The following VEPH1 variants were observed in gnomAD, a reference collection of about 807,000 sequenced individuals.
The protein encoded by VEPH1 is ventricular zone expressed PH domain containing 1, also known as ventricular zone-expressed PH domain-containing protein homolog 1.
VEPH1 carries 80 observed loss-of-function variants against 85.2 expected under a neutral mutation model. The ratio of observed to expected loss-of-function variants is 0.94; its 90% CI spans 0.78 to 1.13. VEPH1 has a LOEUF of 1.13. Among genes scored for constraint, VEPH1 ranks in the 50% most tolerant of loss-of-function variants. The pLI, the probability that VEPH1 is intolerant of heterozygous loss-of-function variation, is 0.00. For synonymous variants in VEPH1, 297 were observed against 348.0 expected (o/e 0.85, Z 1.63); for missense variants, 955 against 980.5 (o/e 0.97, Z 0.35).
At chr3:157,468,589 A>G (rs749383029) in intron 3 of VEPH1, among the ~76,000 whole-genome samples, 2 of 151,986 alleles carry the variant, frequency 1.3e-5, no homozygotes, top group African/African-American at 2.4e-5. Context: ...TAATAATAAT[A>G]ATAATGATAA....
At position 157,261,214 on chromosome 3, in the gene VEPH1, C is replaced by T. The variant is rs1470315614; in HGVS notation, c.2422G>A (p.Glu808Lys). Residue 808 changes from glutamate (E) to lysine (K), a missense_variant, in exon 14 of 14, where the codon GAA (glutamate) becomes AAA (lysine). Transcript: ENST00000362010. Reference protein sequence around the residue: ...VFKAKDEKNAEEWLQCINVAV... With the variant: ...VFKAKDEKNAKEWLQCINVAV... ...ACGTTGATGCACTGGAGCCATTCTT[C>T]TGCATTCTTCTCATCCTTGGCCTTA... 3 of 1,613,708 alleles carry T rather than the reference C, an allele frequency of 1.9e-6. No homozygotes were observed. In the East Asian group the frequency reaches 6.7e-5, roughly 36 times the overall value.
chr3:157,472,122 C>G (rs185228921), intron 2 of VEPH1, among the ~76,000 whole-genome samples: 50 of 152,286 alleles, frequency 3.3e-4, no homozygotes, highest in Admixed American at 2.6e-3. Context: ...AGATATTATC[C>G]ACACATTCTC....
intron 7 of VEPH1, among the ~76,000 whole-genome samples, chr3:157,375,239 T>A (rs1727955151): frequency 6.6e-6 from 1 of 152,172 alleles, no homozygotes; most frequent in Admixed American, 6.5e-5. Flanking sequence ...ATGCAGAATT[T>A]TTTGCAGAGT....
chr3:157,480,956 C>A (rs371360148), intron 2 of VEPH1, among the ~76,000 whole-genome samples: 4 of 152,210 alleles, frequency 2.6e-5, no homozygotes, highest in African/African-American at 9.6e-5. Flanking sequence ...GCCTCACCAA[C>A]ATCTGCTGTT....
chr3:157,265,651 C>T lies in VEPH1; in HGVS notation c.2140G>A (p.Asp714Asn), dbSNP rs1713539724. 1.9e-6 allele frequency: 3 copies of T among 1,613,088 alleles called. No homozygotes were observed. Among genetic ancestry groups the T allele is most frequent in the Non-Finnish European group, 2.5e-6 (3 of 1,179,546 alleles). Residue 714 changes from aspartate to asparagine, a missense_variant, in exon 13 of 14, where the codon GAT (aspartate) becomes AAT (asparagine). Transcript: ENST00000362010. ...TTTCCTTCTATGAGAGGCTGGCCAT[C>T]TTGATTTACAACTGTTGAAGGTAGC... ...NPEKATVVNQ[D>N]GQPLIEGKLK...
rs534312270 is a variant in VEPH1, at chr3:157,316,281, T to A, written c.1875+781A>T. The A allele has an allele frequency of 2.6e-5, 4 of 152,124 alleles. No homozygotes were observed. In the East Asian group the frequency reaches 7.7e-4, roughly 29 times the overall value. 9.4% of individuals were successfully genotyped at this position (152,124 alleles called of 1,614,324 possible). ...TTGGCTTTTCAGCCGTGTTATAACA[T>A]TTGCATTTTGTTTTTTCTGCCTTTA... On this transcript the variant is annotated intron_variant, in intron 10 of 13. Transcript: ENST00000362010.
At chr3:157,267,704 G>A (rs2108264617) in intron 12 of VEPH1, among the ~76,000 whole-genome samples, 1 of 152,284 alleles carries the variant, frequency 6.6e-6, no homozygotes, top group East Asian at 1.9e-4. Flanking sequence ...GCAGGTGGAG[G>A]TTGCAGTGAG....
chr3:157,477,726 C>A (rs887517583), intron 2 of VEPH1, among the ~76,000 whole-genome samples: 1 of 152,098 alleles, frequency 6.6e-6, no homozygotes, highest in Non-Finnish European at 1.5e-5. Context: ...CCAATAGGCA[C>A]GTAAATGGAA....
At chr3:157,409,690 T>C (rs1030638194) in intron 6 of VEPH1, 2 of 985,408 alleles carry the variant, frequency 2.0e-6, no homozygotes, top group African/African-American at 1.7e-5. Flanking sequence ...CTCACCCAGA[T>C]GGGCACTCAT....
intron 2 of VEPH1, among the ~76,000 whole-genome samples, chr3:157,471,891 T>C (rs1027259063): frequency 1.5e-4 from 23 of 152,230 alleles, no homozygotes; most frequent in Admixed American, 5.9e-4. Flanking sequence ...TGGGGCCTTA[T>C]TGTTTTTCCT....
Position 157,496,688 on chromosome 3 carries a change from ATTG to A in VEPH1, c.-157-1185_-157-1183del, listed in dbSNP as rs1188009278. Among the ~76,000 whole-genome samples the A allele has an allele frequency of 3.3e-5, 5 of 152,324 alleles. No individual in the cohort carries two copies. In the East Asian group the frequency reaches 9.6e-4, roughly 29 times the overall value. ...TAGTCTCAGACCTCTCCTCTGAGCT[ATTG>A]TTGTGAGAGCACCTCTTTGTGTTGA... On this transcript the variant is annotated intron_variant, in intron 1 of 13. Coordinates refer to ENST00000362010, the MANE Select transcript of VEPH1 (RefSeq NM_001167912.2).
At chr3:157,493,576 T>C (rs1453401222) in intron 2 of VEPH1, among the ~76,000 whole-genome samples, 1 of 152,152 alleles carries the variant, frequency 6.6e-6, no homozygotes, top group East Asian at 1.9e-4. Context: ...AAGTAAGATG[T>C]GGTAAAAGTT....
At chr3:157,285,593 A>C (rs1302076495) in intron 12 of VEPH1, among the ~76,000 whole-genome samples, 1 of 152,224 alleles carries the variant, frequency 6.6e-6, no homozygotes, top group Non-Finnish European at 1.5e-5. Flanking sequence ...CAGTCTTTTT[A>C]ACACTGCTCT....
chr3:157,382,097 C>T (rs1328439376), intron 6 of VEPH1, among the ~76,000 whole-genome samples: 1 of 152,200 alleles, frequency 6.6e-6, no homozygotes, highest in East Asian at 1.9e-4. Context: ...GTGATGGTTG[C>T]ATATTCCACT....
At chr3:157,343,511 G>A in intron 9 of VEPH1, among the ~76,000 whole-genome samples, 1 of 152,070 alleles carries the variant, frequency 6.6e-6, no homozygotes, top group Non-Finnish European at 1.5e-5. Context: ...CCAATAACAG[G>A]CTCTGAAATT....
intron 11 of VEPH1, among the ~76,000 whole-genome samples, chr3:157,301,301 G>A (rs1477928301): frequency 1.3e-5 from 2 of 152,060 alleles, no homozygotes; most frequent in African/African-American, 4.8e-5. Context: ...GAAGCAGAGG[G>A]TTCTTATAAA....
At chr3:157,340,902 C>T (rs1448088690) in intron 9 of VEPH1, among the ~76,000 whole-genome samples, 1 of 152,202 alleles carries the variant, frequency 6.6e-6, no homozygotes, top group Non-Finnish European at 1.5e-5. Context: ...CTGCTGATAC[C>T]TAGACAAACA....
chr3:157,263,452 G>A (rs1292832468), intron 13 of VEPH1, among the ~76,000 whole-genome samples: 1 of 147,810 alleles, frequency 6.8e-6, no homozygotes, highest in Non-Finnish European at 1.5e-5. Flanking sequence ...ACTCTGCTTT[G>A]TCTTAAGGGA....
At chr3:157,381,678 C>T (rs1461455186) in intron 6 of VEPH1, 2 of 300,808 alleles carry the variant, frequency 6.6e-6, no homozygotes, top group Admixed American at 9.3e-5. Flanking sequence ...AAGATTGTGC[C>T]ACTGCACTCC....
Sources: allele counts gnomAD v4.1 joint callset (sites outside exome capture counted in the v4.1 genomes callset), GRCh38; gene constraint gnomAD v4.1.1; transcripts MANE v1.5; gene names NCBI Gene and HGNC (gene_info 2026-07-23, HGNC 2026-07-21).